The following PHF20L1 variants were observed in gnomAD, a reference collection of about 807,000 sequenced individuals.
PHF20L1 encodes PHD finger protein 20-like protein 1.
Under a neutral mutation model 125.5 loss-of-function variants are expected in PHF20L1, and 44 were observed. The observed-to-expected ratio is 0.35, with a 90% CI of 0.28 to 0.45. The LOEUF (loss-of-function observed/expected upper bound fraction) is 0.45. PHF20L1 is among the 20% of genes least tolerant of loss of function. PHF20L1 has a pLI of 1.00. For missense variants in PHF20L1, 1,012 were observed against 1,217.2 expected (o/e 0.83, Z 2.51); for synonymous variants, 380 against 403.1 (o/e 0.94, Z 0.69).
At chr8:132,837,380 T>A (rs1224947350) in intron 16 of PHF20L1, among the ~76,000 whole-genome samples, 2 of 152,274 alleles carry the variant, frequency 1.3e-5, no homozygotes, top group East Asian at 3.9e-4. Context: ...TTTTTTCCCC[T>A]AATTTCCGCA....
At chr8:132,781,726 A>G (rs959339273) in intron 2 of PHF20L1, among the ~76,000 whole-genome samples, 1 of 152,186 alleles carries the variant, frequency 6.6e-6, no homozygotes. Flanking sequence ...CCACTGCGCC[A>G]GGCCTAAAGT....
intron 14 of PHF20L1, 36 bp downstream of exon 14, chr8:132,825,407 A>T: frequency 3.5e-6 from 5 of 1,440,894 alleles, no homozygotes; most frequent in East Asian, 2.5e-5. Context: ...CTCTTTTTTT[A>T]AAATTTGAAG....
intron 2 of PHF20L1, among the ~76,000 whole-genome samples, chr8:132,781,947 T>C: frequency 6.6e-6 from 1 of 152,314 alleles, no homozygotes; most frequent in Non-Finnish European, 1.5e-5. Flanking sequence ...TTTTTAAAAA[T>C]ATTATAGCTT....
At chr8:132,811,432 A>G in intron 9 of PHF20L1, 1 of 1,035,330 alleles carries the variant, frequency 9.7e-7, no homozygotes, top group Non-Finnish European at 1.2e-6. Context: ...AAAGACCCTT[A>G]CACAAATACT....
chr8:132,837,829 G>A lies in PHF20L1; in HGVS notation c.2191+18G>A, dbSNP rs998540374. On this transcript the variant is annotated intron_variant, in intron 17 of 20. Coordinates refer to ENST00000395386, the MANE Select transcript of PHF20L1 (RefSeq NM_016018.5). ...CCCACCAGGTAAGGCTTTCTGTGCCGTGCTGATTGCCAGGATGCCTCTATG... is the reference window on the plus strand; with the variant it reads ...CCCACCAGGTAAGGCTTTCTGTGCCATGCTGATTGCCAGGATGCCTCTATG... 8 of 1,562,068 alleles carry A rather than the reference G, an allele frequency of 5.1e-6. No homozygotes were observed. The highest frequency in any genetic ancestry group is 7.1e-6 in the Non-Finnish European group (8 of 1,133,748).
chr8:132,838,846 A>G (rs1315499859), intron 17 of PHF20L1, among the ~76,000 whole-genome samples: 1 of 152,146 alleles, frequency 6.6e-6, no homozygotes, highest in East Asian at 1.9e-4. Flanking sequence ...ATTGATTTAA[A>G]CCATGCCTTC....
intron 2 of PHF20L1, among the ~76,000 whole-genome samples, chr8:132,790,721 T>C (rs915214038): frequency 1.3e-5 from 2 of 152,222 alleles, no homozygotes; most frequent in Non-Finnish European, 2.9e-5. Context: ...CTCAGAGTCA[T>C]GTGATGGTTT....
At position 132,808,504 on chromosome 8, in the gene PHF20L1, T is replaced by C. The variant is rs556266820; in HGVS notation, c.848-2542T>C. 4 of 152,182 alleles carry C rather than the reference T, an allele frequency of 2.6e-5. No homozygotes were observed. The South Asian group carries it at 8.3e-4, about 32-fold the overall frequency. 9.4% of individuals were successfully genotyped at this position (152,182 alleles called of 1,614,324 possible). On this transcript the variant is annotated intron_variant, in intron 8 of 20. Coordinates refer to ENST00000395386, the MANE Select transcript of PHF20L1 (RefSeq NM_016018.5). The stretch of plus-strand genomic sequence containing the variant: ...AAGTAAAAGATATAATTATATAATA[T>C]ATTGAATAGCAAGATTTGTCCTGTT...
intron 12 of PHF20L1, among the ~76,000 whole-genome samples, chr8:132,821,663 G>A (rs1307982211): frequency 6.6e-6 from 1 of 151,880 alleles, no homozygotes; most frequent in African/African-American, 2.4e-5. Flanking sequence ...TTAGTCAGAA[G>A]AATCTGTAAT....
At chr8:132,844,997 A>G (rs2131965246) in intron 20 of PHF20L1, among the ~76,000 whole-genome samples, 1 of 152,060 alleles carries the variant, frequency 6.6e-6, no homozygotes, top group East Asian at 1.9e-4. Flanking sequence ...CTCTACACTA[A>G]GTTAGAGCTC....
intron 12 of PHF20L1, among the ~76,000 whole-genome samples, chr8:132,820,300 T>A (rs1835437782): frequency 6.6e-6 from 1 of 151,856 alleles, no homozygotes; most frequent in South Asian, 2.1e-4. Context: ...AATCAAGTTT[T>A]TTGAAAAGGG....
intron 2 of PHF20L1, among the ~76,000 whole-genome samples, chr8:132,793,988 A>G (rs879755711): frequency 6.6e-6 from 1 of 152,196 alleles, no homozygotes; most frequent in Non-Finnish European, 1.5e-5. Context: ...TTCAGTGGAT[A>G]TATCATTGTT....
At chr8:132,833,307 G>A (rs933573995) in intron 15 of PHF20L1, among the ~76,000 whole-genome samples, 6 of 152,058 alleles carry the variant, frequency 3.9e-5, no homozygotes, top group African/African-American at 1.4e-4. Flanking sequence ...AGTCCTCCCT[G>A]GCTCGTTATG....
chr8:132,843,204 C>A, intron 19 of PHF20L1: 1 of 1,020,854 alleles, frequency 9.8e-7, no homozygotes, highest in Non-Finnish European at 1.2e-6. Context: ...TGTGAAAGTA[C>A]ATATGGGTGT....
At chr8:132,814,207 A>G (rs1420429704) in intron 9 of PHF20L1, among the ~76,000 whole-genome samples, 1 of 152,006 alleles carries the variant, frequency 6.6e-6, no homozygotes, top group Non-Finnish European at 1.5e-5. Context: ...TTAAAAGAAA[A>G]GATTTTATAA....
Position 132,835,123 on chromosome 8 carries a change from C to T in PHF20L1, c.1910-1417C>T, listed in dbSNP as rs368814145. ...TGAAAAGAAAATATTCTCTCTCTGA[C>T]TCTCTCCTTAGTTCTTCTACAAACA... On this transcript the variant is annotated intron_variant, in intron 15 of 20. Coordinates refer to ENST00000395386, the MANE Select transcript of PHF20L1 (RefSeq NM_016018.5). Among the ~76,000 whole-genome samples, 89 of 152,254 alleles carry T rather than the reference C, an allele frequency of 5.8e-4. 1 individual carries two copies. The South Asian group carries it at 0.017, about 29-fold the overall frequency.
In PHF20L1 at chr8:132,825,322, A is replaced by G; in HGVS notation, c.1695A>G (p.Arg565=). 6.6e-7 allele frequency: 1 copy of G among 1,510,990 alleles called. No homozygotes were observed. Among genetic ancestry groups the G allele is most frequent in the Non-Finnish European group, 9.1e-7 (1 of 1,097,778 alleles). 93.6% of individuals were successfully genotyped at this position (1,510,990 alleles called of 1,614,324 possible). Residue 565 remains arginine (R), a synonymous_variant, in exon 14 of 21, where the codon AGA becomes AGG. Coordinates refer to ENST00000395386, the MANE Select transcript of PHF20L1 (RefSeq NM_016018.5). ...AGAAGAGAGACAAAGATCACTACAG[A>G]CCAAAACAGAAGAAGAAGAAAAAAA... ...RREKRDKDHY[R]PKQKKKKKKK...
chr8:132,836,772 C>T, intron 16 of PHF20L1, 51 bp downstream of exon 16: 1 of 1,271,942 alleles, frequency 7.9e-7, no homozygotes, highest in Non-Finnish European at 1.1e-6. Flanking sequence ...TTCAGGTGCT[C>T]AGCAAATGCA....
At chr8:132,797,411 A>G (rs756863063) in intron 4 of PHF20L1, among the ~76,000 whole-genome samples, 38 of 151,980 alleles carry the variant, frequency 2.5e-4, no homozygotes, top group Non-Finnish European at 5.9e-5. Context: ...GTCCTTGAAG[A>G]GTGGACTGGG....
Sources: gnomAD v4.1 joint callset for allele counts (sites outside exome capture counted in the v4.1 genomes callset) on GRCh38, gnomAD v4.1.1 for gene constraint, MANE v1.5 for transcripts, NCBI Gene and HGNC (gene_info 2026-07-23, HGNC 2026-07-21) for gene names.